Variants in RPA1 observed in about 807,000 individuals in gnomAD.
The protein encoded by RPA1 is replication protein A 70 kDa DNA-binding subunit.
In RPA1, 49 loss-of-function variants were observed where a neutral mutation model predicts 83.0. The observed-to-expected ratio is 0.59, with a 90% CI of 0.47 to 0.75. The LOEUF is 0.75. Ranked by LOEUF, RPA1 falls within the 30% of genes least tolerant of loss-of-function variation. The probability of loss-of-function intolerance (pLI) is 0.00; values close to 1 mark genes in which losing one functional copy is unlikely to be tolerated. For missense variants in RPA1, 693 were observed against 776.1 expected (o/e 0.89, Z 1.27); for synonymous variants, 279 against 281.8 (o/e 0.99, Z 0.10).
chr17:1,832,618 C>T (rs1188827009), intron 1 of RPA1, among the ~76,000 whole-genome samples: 1 of 152,070 alleles, frequency 6.6e-6, no homozygotes, highest in African/African-American at 2.4e-5. Flanking sequence ...AACTCCTGAC[C>T]TCAAGCAATC....
At chr17:1,846,395 G>A (rs1043038307) in intron 4 of RPA1, among the ~76,000 whole-genome samples, 3 of 132,678 alleles carry the variant, frequency 2.3e-5, no homozygotes, top group African/African-American at 5.5e-5. Context: ...AGGGCTCACT[G>A]TAGCCTTGAC....
At chr17:1,865,855 A>T (rs1221412438) in intron 5 of RPA1, among the ~76,000 whole-genome samples, 1 of 152,152 alleles carries the variant, frequency 6.6e-6, no homozygotes, top group Non-Finnish European at 1.5e-5. Context: ...GGCTGGTCTC[A>T]AACTCCTGGG....
chr17:1,856,523 C>T lies in RPA1; in HGVS notation c.361+3334C>T, dbSNP rs568078316. On this transcript the variant is annotated intron_variant, in intron 5 of 16. Coordinates refer to ENST00000254719, the MANE Select transcript of RPA1 (RefSeq NM_002945.5). ...CTGAGGCAGGAGAATCACTTGAACCCGGGAGGCGAAGGTTGCAGTGAGCTG... is the reference window on the plus strand; with the variant it reads ...CTGAGGCAGGAGAATCACTTGAACCTGGGAGGCGAAGGTTGCAGTGAGCTG... 7.2e-5 allele frequency among the ~76,000 whole-genome samples: 11 copies of T among 151,726 alleles called. No homozygotes were observed. The South Asian group carries it at 1.9e-3, about 26-fold the overall frequency.
chr17:1,870,053 C>T (rs751643525), intron 5 of RPA1, among the ~76,000 whole-genome samples: 11 of 152,094 alleles, frequency 7.2e-5, no homozygotes, highest in Non-Finnish European at 1.5e-4. Flanking sequence ...GTCATAAAAG[C>T]CTCGGTTCAA....
At position 1,887,702 on chromosome 17, in the gene RPA1, A is replaced by G. The variant is rs566066070; in HGVS notation, c.1375-973A>G. 3.3e-5 allele frequency among the ~76,000 whole-genome samples: 5 copies of G among 152,136 alleles called. No homozygotes were observed. In the East Asian group the frequency reaches 9.7e-4, roughly 29 times the overall value. ...TTGGAGTTCGAGACCAGCCTACCCAACATGGCAAAACCCCATCTCTACTAA... is the reference window on the plus strand; with the variant it reads ...TTGGAGTTCGAGACCAGCCTACCCAGCATGGCAAAACCCCATCTCTACTAA... On this transcript the variant is annotated intron_variant, in intron 13 of 16. Transcript: ENST00000254719.
intron 6 of RPA1, 107 bp from the exon 7 acceptor site, chr17:1,875,554 T>A: frequency 8.3e-7 from 1 of 1,202,008 alleles, no homozygotes; most frequent in Non-Finnish European, 1.2e-6. Flanking sequence ...TCATGTTATA[T>A]GATTTCACTA....
intron 12 of RPA1, among the ~76,000 whole-genome samples, chr17:1,882,486 C>A (rs997606728): frequency 2.0e-5 from 3 of 151,890 alleles, no homozygotes; most frequent in African/African-American, 7.3e-5. Context: ...GAAACCTCGT[C>A]TCTACAAAAA....
intron 5 of RPA1, among the ~76,000 whole-genome samples, chr17:1,870,497 C>T (rs1014679741): frequency 1.3e-5 from 2 of 152,186 alleles, no homozygotes; most frequent in African/African-American, 4.8e-5. Flanking sequence ...TACATTTGAG[C>T]AGTTTTAAGC....
intron 1 of RPA1, among the ~76,000 whole-genome samples, chr17:1,832,848 TTA>T (rs1406406061): frequency 1.3e-5 from 2 of 152,316 alleles, no homozygotes; most frequent in African/African-American, 4.8e-5. Flanking sequence ...TGCTCAGTGT[TTA>T]TGTTACCTAT....
intron 1 of RPA1, 113 bp downstream of exon 1, chr17:1,830,239 GGAGA>G: frequency 1.3e-6 from 1 of 789,496 alleles, no homozygotes; most frequent in South Asian, 6.2e-5. Context: ...CGCGAGGGGA[GGAGA>G]TGGCGGGGGG....
At chr17:1,844,292 T>C (rs940880385) in intron 3 of RPA1, among the ~76,000 whole-genome samples, 8 of 152,210 alleles carry the variant, frequency 5.3e-5, no homozygotes, top group African/African-American at 7.2e-5. Context: ...AGCTGCCCTA[T>C]ACTTTCCTTT....
chr17:1,864,541 AAAAT>A (rs1030501884), intron 5 of RPA1, among the ~76,000 whole-genome samples: 1 of 152,140 alleles, frequency 6.6e-6, no homozygotes, highest in African/African-American at 2.4e-5. Context: ...CTCTGTCTCA[AAAAT>A]AAATAAATAA....
chr17:1,857,579 C>G (rs1364824640), intron 5 of RPA1, among the ~76,000 whole-genome samples: 1 of 151,726 alleles, frequency 6.6e-6, no homozygotes, highest in East Asian at 1.9e-4. Flanking sequence ...GGCCTGGGCT[C>G]TCACCAATGA....
chr17:1,834,916 C>G (rs1444927317), intron 1 of RPA1, among the ~76,000 whole-genome samples: 1 of 152,038 alleles, frequency 6.6e-6, no homozygotes, highest in Non-Finnish European at 1.5e-5. Flanking sequence ...GGCTGGGGTG[C>G]AGAAGCACAA....
chr17:1,883,454 C>T (rs1225830237), intron 12 of RPA1, among the ~76,000 whole-genome samples: 1 of 152,070 alleles, frequency 6.6e-6, no homozygotes, highest in Admixed American at 6.5e-5. Context: ...AGCCACTGCG[C>T]CCAGCCTAAA....
At chr17:1,833,565 T>C (rs528537578) in intron 1 of RPA1, among the ~76,000 whole-genome samples, 1 of 152,308 alleles carries the variant, frequency 6.6e-6, no homozygotes, top group East Asian at 1.9e-4. Flanking sequence ...AAATTAAGAA[T>C]GTTTCTAGGC....
chr17:1,849,228 T>C (rs1912380125), intron 4 of RPA1, among the ~76,000 whole-genome samples: 1 of 152,126 alleles, frequency 6.6e-6, no homozygotes, highest in African/African-American at 2.4e-5. Flanking sequence ...CTGTAGACTA[T>C]TTAGTAGTTT....
Position 1,897,245 on chromosome 17 carries a change from G to C in RPA1, c.*70G>C. On this transcript the variant is annotated 3_prime_UTR_variant, in exon 17 of 17. Transcript: ENST00000254719. The stretch of plus-strand genomic sequence containing the variant: ...GGAATCGATTTCCTCCCACCTCCGT[G>C]TGACGATCCCATGTTAGCTACACAG... 8.5e-7 allele frequency: 1 copy of C among 1,175,124 alleles called. No individual in the cohort carries two copies. The highest frequency in any genetic ancestry group is 1.2e-6 in the Non-Finnish European group (1 of 823,962). 72.8% of individuals were successfully genotyped at this position (1,175,124 alleles called of 1,614,324 possible). A position where few individuals can be genotyped will look rare whatever the true frequency, so the allele number is the denominator to read the frequency against.
intron 4 of RPA1, among the ~76,000 whole-genome samples, chr17:1,848,651 G>GC (rs1398552171): frequency 7.3e-6 from 1 of 137,086 alleles, no homozygotes; most frequent in African/African-American, 2.7e-5. Context: ...TACAACCTCT[G>GC]CCTCCCGAGT....
Sources: gnomAD v4.1 joint callset for allele counts (sites outside exome capture counted in the v4.1 genomes callset) on GRCh38, gnomAD v4.1.1 for gene constraint, MANE v1.5 for transcripts, NCBI Gene and HGNC (gene_info 2026-07-23, HGNC 2026-07-21) for gene names.